Variants in KAZN observed in about 807,000 individuals in gnomAD.
KAZN encodes the protein kazrin.
Under a neutral mutation model 87.4 loss-of-function variants are expected in KAZN, and 40 were observed. The observed-to-expected ratio is 0.46, with a 90% CI of 0.36 to 0.60. The LOEUF (loss-of-function observed/expected upper bound fraction) is 0.60. KAZN is among the 20% of genes least tolerant of loss of function. The pLI is 0.00. For synonymous variants in KAZN, 466 were observed against 458.3 expected (o/e 1.02, Z -0.22); for missense variants, 898 against 1,073.9 (o/e 0.84, Z 2.29).
intron 2 of KAZN, among the ~76,000 whole-genome samples, chr1:14,461,966 G>C (rs1169500037): frequency 6.6e-6 from 1 of 151,610 alleles, no homozygotes; most frequent in East Asian, 1.9e-4. Flanking sequence ...GTTTGGCTGT[G>C]TCCCCACCCA....
chr1:15,025,699 T>C (rs1378956975), intron 2 of KAZN, among the ~76,000 whole-genome samples: 1 of 152,196 alleles, frequency 6.6e-6, no homozygotes, highest in Non-Finnish European at 1.5e-5. Context: ...AGAGAGTCTA[T>C]GGGTCATCTG....
At chr1:14,074,968 A>AT in intron 1 of KAZN, among the ~76,000 whole-genome samples, 1 of 152,258 alleles carries the variant, frequency 6.6e-6, no homozygotes, top group Non-Finnish European at 1.5e-5. Context: ...TTAAACTTTG[A>AT]TTTTGTGCAG....
chr1:14,045,445 C>A (rs1195033718), intron 1 of KAZN, among the ~76,000 whole-genome samples: 1 of 152,218 alleles, frequency 6.6e-6, no homozygotes, highest in Non-Finnish European at 1.5e-5. Flanking sequence ...AGAAAGATTT[C>A]TAACCTTAAA....
chr1:14,853,058 T>G (rs1187367256), intron 1 of KAZN, among the ~76,000 whole-genome samples: 3 of 152,200 alleles, frequency 2.0e-5, no homozygotes, highest in Admixed American at 6.5e-5. Flanking sequence ...GGAGCTGGGA[T>G]GTGACTTCAT....
intron 1 of KAZN, among the ~76,000 whole-genome samples, chr1:14,650,680 A>T (rs1319099411): frequency 6.6e-6 from 1 of 152,256 alleles, no homozygotes; most frequent in Non-Finnish European, 1.5e-5. Context: ...CATGGAGGCT[A>T]TGATAATTCA....
chr1:13,973,837 C>A (rs1003796999), intron 1 of KAZN, among the ~76,000 whole-genome samples: 3 of 152,244 alleles, frequency 2.0e-5, no homozygotes, highest in African/African-American at 7.2e-5. Context: ...CAAATACCAT[C>A]TCTCTGAGAA....
At chr1:14,259,959 C>A (rs984669737) in intron 2 of KAZN, among the ~76,000 whole-genome samples, 4 of 152,134 alleles carry the variant, frequency 2.6e-5, no homozygotes, top group African/African-American at 4.8e-5. Flanking sequence ...AAGCACAACG[C>A]AAGCGGATTT....
At chr1:14,509,684 A>G (rs963244139) in intron 2 of KAZN, among the ~76,000 whole-genome samples, 1 of 152,220 alleles carries the variant, frequency 6.6e-6, no homozygotes, top group African/African-American at 2.4e-5. Context: ...ACAGCAGTAA[A>G]CAAGACAGAC....
chr1:14,170,094 C>T (rs1212949805), intron 1 of KAZN, among the ~76,000 whole-genome samples: 1 of 152,148 alleles, frequency 6.6e-6, no homozygotes, highest in African/African-American at 2.4e-5. Context: ...GAACCACATG[C>T]CTGCCTCACA....
chr1:14,058,049 T>A (rs1011780576), intron 1 of KAZN, among the ~76,000 whole-genome samples: 3 of 152,200 alleles, frequency 2.0e-5, no homozygotes, highest in Non-Finnish European at 2.9e-5. Context: ...TTGAACACTT[T>A]TTGGGGCTTG....
At chr1:15,034,654 T>TA in intron 2 of KAZN, 95 bp from the exon 3 acceptor site, 1 of 1,439,050 alleles carries the variant, frequency 6.9e-7, no homozygotes, top group African/African-American at 1.4e-5. Flanking sequence ...TCTCACCTGT[T>TA]ACAAAGGTGA....
intron 1 of KAZN, among the ~76,000 whole-genome samples, chr1:14,021,828 G>T (rs532504320): frequency 6.6e-6 from 1 of 152,008 alleles, no homozygotes; most frequent in South Asian, 2.1e-4. Flanking sequence ...AAGCCAATTT[G>T]TTCCAACAGC....
At position 14,735,781 on chromosome 1, in the gene KAZN, G is replaced by A. The variant is rs1359117081; in HGVS notation, c.226+136558G>A. Among the ~76,000 whole-genome samples, 1 of 152,174 alleles carries A rather than the reference G, an allele frequency of 6.6e-6. No homozygotes were observed. The highest frequency in any genetic ancestry group is 1.5e-5 in the Non-Finnish European group (1 of 68,020). On this transcript the variant is annotated intron_variant, in intron 1 of 14. Coordinates refer to ENST00000376030, the MANE Select transcript of KAZN (RefSeq NM_201628.3). The surrounding 1 kb of genome is among the most constrained non-coding windows in gnomAD (Gnocchi z 4.3). ...AAATGTCCACGATAGTCCAAGAAGC[G>A]CCGTCCCTGGCCCTGGGTTTGGTAA...
rs557092449 is a variant in KAZN at position 15,027,182 on chromosome 1, C to T, written c.419-7567C>T. Among the ~76,000 whole-genome samples the T allele has an allele frequency of 8.9e-5, 13 of 146,376 alleles. No individual in the cohort carries two copies. In the East Asian group the frequency reaches 1.2e-3, roughly 14 times the overall value. ...CTGCAAGCTCCGCCTCCCGGGTTCA[C>T]GCCATTCTCCTGCCTCAGCCTCCCC... On this transcript the variant is annotated intron_variant, in intron 2 of 14. Transcript: ENST00000376030.
chr1:14,901,752 C>G (rs79297788), intron 1 of KAZN, among the ~76,000 whole-genome samples: 1 of 152,182 alleles, frequency 6.6e-6, no homozygotes, highest in South Asian at 2.1e-4. Flanking sequence ...GACAGCCTGG[C>G]GTCCAAGGTC....
rs557436714 is a variant in KAZN, at chr1:14,322,406, A to C, written c.249+141814A>C. ...CACTTGAATACTAAATTCATGCTTG[A>C]ATACTAGATTTCCATTCCTATAACT... On this transcript the variant is annotated intron_variant, in intron 2 of 16. Transcript: ENST00000636203. Among the ~76,000 whole-genome samples the C allele has an allele frequency of 2.0e-5, 3 of 152,310 alleles. No homozygotes were observed. In the South Asian group the frequency reaches 6.2e-4, roughly 32 times the overall value.
At chr1:14,357,479 G>C (rs1348800859) in intron 2 of KAZN, among the ~76,000 whole-genome samples, 3 of 152,188 alleles carry the variant, frequency 2.0e-5, no homozygotes, top group African/African-American at 7.2e-5. Context: ...AGTGGTGAGA[G>C]ACGGCATCCT....
rs890463033 is a variant in KAZN, at chr1:15,021,817, A to G, written c.419-12932A>G. Among the ~76,000 whole-genome samples, 1 of 152,026 alleles carries G rather than the reference A, an allele frequency of 6.6e-6. No homozygotes were observed. The highest frequency in any genetic ancestry group is 1.9e-4 in the East Asian group (1 of 5,172). The stretch of plus-strand genomic sequence containing the variant: ...CTCATTGGAAGCCCTGGCTCCTGGC[A>G]TCTGTATGAGTTCGTTTTCATGCTG... On this transcript the variant is annotated intron_variant, in intron 2 of 14. Transcript: ENST00000376030. The surrounding 1 kb of genome is among the most constrained non-coding windows in gnomAD (Gnocchi z 4.2).
chr1:14,931,961 G>A (rs1301118273), intron 1 of KAZN, among the ~76,000 whole-genome samples: 1 of 152,134 alleles, frequency 6.6e-6, no homozygotes, highest in Non-Finnish European at 1.5e-5. Flanking sequence ...AAAGAGGCAC[G>A]TGCCTTTCTC....
Sources: allele counts gnomAD v4.1 joint callset (sites outside exome capture counted in the v4.1 genomes callset), GRCh38; gene constraint gnomAD v4.1.1; non-coding constraint Gnocchi (gnomAD v3.1); transcripts MANE v1.5; gene names NCBI Gene and HGNC (gene_info 2026-07-23, HGNC 2026-07-21).